The following DAB1 variants were observed in gnomAD, a reference collection of about 807,000 sequenced individuals.
DAB1 encodes the protein disabled homolog 1.
A neutral mutation model predicts 64.6 loss-of-function variants in DAB1; 15 were observed. That is an observed-to-expected ratio of 0.23 (90% confidence interval 0.16 to 0.36). The LOEUF (loss-of-function observed/expected upper bound fraction) is 0.36, where lower values mean the gene tolerates loss of function less well. Among genes scored for constraint, DAB1 ranks in the 10% least tolerant of loss-of-function variants. The pLI is 1.00. For synonymous variants in DAB1, 235 were observed against 251.9 expected (o/e 0.93, Z 0.64); for missense variants, 596 against 706.7 (o/e 0.84, Z 1.78).
intron 1 of DAB1, chr1:57,386,757 TG>T (rs1681902289): frequency 2.0e-5 from 3 of 152,086 alleles, no homozygotes; most frequent in Admixed American, 6.6e-5. Flanking sequence ...TGTGTGTGTG[TG>T]TGTGTGTAAT....
intron 4 of DAB1, among the ~76,000 whole-genome samples, chr1:58,339,802 A>G (rs1663208241): frequency 6.6e-6 from 1 of 152,188 alleles, no homozygotes; most frequent in African/African-American, 2.4e-5. Flanking sequence ...GTTGCTTCTC[A>G]CTGAAGATTT....
At chr1:57,462,699 C>A (rs1686825397) in intron 7 of DAB1, among the ~76,000 whole-genome samples, 1 of 152,164 alleles carries the variant, frequency 6.6e-6, no homozygotes, top group African/African-American at 2.4e-5. Flanking sequence ...CATGGACACA[C>A]AGCTCTCGGG....
chr1:57,422,842 A>T (rs1366888352), intron 1 of DAB1, among the ~76,000 whole-genome samples: 1 of 152,162 alleles, frequency 6.6e-6, no homozygotes, highest in East Asian at 1.9e-4. Context: ...CATCAGGCCC[A>T]CCAGCACCAC....
At chr1:57,627,307 C>T (rs534179151) in intron 7 of DAB1, among the ~76,000 whole-genome samples, 62 of 152,228 alleles carry the variant, frequency 4.1e-4, no homozygotes, top group African/African-American at 1.3e-3. Flanking sequence ...GGTGGCAGAT[C>T]GTGGGACTTC....
At chr1:57,351,324 G>A (rs915183173) in intron 1 of DAB1, among the ~76,000 whole-genome samples, 1 of 152,056 alleles carries the variant, frequency 6.6e-6, no homozygotes, top group South Asian at 2.1e-4. Context: ...AAGTCCAAGA[G>A]GAGACACCAA....
At chr1:57,610,254 C>T (rs1645709916) in intron 7 of DAB1, among the ~76,000 whole-genome samples, 1 of 152,132 alleles carries the variant, frequency 6.6e-6, no homozygotes, top group South Asian at 2.1e-4. Context: ...AAGTAGGTCC[C>T]AGTTATTGAG....
In DAB1 at chr1:58,080,743, C is replaced by T. The variant is rs138026401; in HGVS notation, n.387+69768G>A. Reference sequence around the variant, plus strand: ...GGCCTGTGTTGGGATCAACGCTCTGCCATTTATTGCATGAATACAGGTAAG... The same window carrying T: ...GGCCTGTGTTGGGATCAACGCTCTGTCATTTATTGCATGAATACAGGTAAG... On this transcript the variant is annotated intron_variant and non_coding_transcript_variant, in intron 5 of 20. Coordinates refer to the DAB1 transcript ENST00000485760. Among the ~76,000 whole-genome samples, 56 of 152,274 alleles carry T rather than the reference C, an allele frequency of 3.7e-4. No individual in the cohort carries two copies. In the East Asian group the frequency reaches 0.011, roughly 29 times the overall value.
chr1:57,074,499 T>C (rs1651804042), intron 4 of DAB1, among the ~76,000 whole-genome samples: 1 of 152,180 alleles, frequency 6.6e-6, no homozygotes, highest in Non-Finnish European at 1.5e-5. Flanking sequence ...GTCATCGCCG[T>C]AGTTCTAGAC....
intron 2 of DAB1, among the ~76,000 whole-genome samples, chr1:57,238,195 G>T (rs1286559016): frequency 6.6e-6 from 1 of 152,186 alleles, no homozygotes; most frequent in Non-Finnish European, 1.5e-5. Flanking sequence ...CCCCTGGAAG[G>T]TGTTAGGAAT....
intron 3 of DAB1, among the ~76,000 whole-genome samples, chr1:58,356,274 T>C (rs1434558642): frequency 6.6e-6 from 1 of 152,210 alleles, no homozygotes; most frequent in Non-Finnish European, 1.5e-5. Flanking sequence ...AGTATTGACC[T>C]GTATATTATC....
intron 5 of DAB1, among the ~76,000 whole-genome samples, chr1:57,953,768 C>T: frequency 6.6e-6 from 1 of 152,256 alleles, no homozygotes; most frequent in Non-Finnish European, 1.5e-5. Flanking sequence ...GAAAGGTTAG[C>T]CCCTCCCTAT....
intron 7 of DAB1, among the ~76,000 whole-genome samples, chr1:57,469,929 C>A (rs1253219205): frequency 6.6e-6 from 1 of 152,146 alleles, no homozygotes; most frequent in Admixed American, 6.5e-5. Flanking sequence ...TATTTAACAT[C>A]ATTTTCTATA....
intron 3 of DAB1, among the ~76,000 whole-genome samples, chr1:57,143,763 G>C (rs529764391): frequency 6.6e-6 from 1 of 151,380 alleles, no homozygotes; most frequent in African/African-American, 2.4e-5. Flanking sequence ...AGGTGATGCC[G>C]ATTTTATCAC....
intron 3 of DAB1, among the ~76,000 whole-genome samples, chr1:58,409,048 C>T (rs1644643097): frequency 6.6e-6 from 1 of 152,180 alleles, no homozygotes; most frequent in Non-Finnish European, 1.5e-5. Context: ...GGAGACAATG[C>T]CAAGAAAGAA....
At chr1:57,257,710 G>A (rs918800721) in intron 2 of DAB1, among the ~76,000 whole-genome samples, 2 of 152,302 alleles carry the variant, frequency 1.3e-5, no homozygotes, top group East Asian at 1.9e-4. Flanking sequence ...CTGGGCTGAC[G>A]TTAAGTTATC....
intron 3 of DAB1, among the ~76,000 whole-genome samples, chr1:58,403,868 T>A (rs1200582954): frequency 6.6e-6 from 1 of 152,122 alleles, no homozygotes; most frequent in Non-Finnish European, 1.5e-5. Flanking sequence ...AAACAGGATT[T>A]TGAACCTTGA....
intron 4 of DAB1, among the ~76,000 whole-genome samples, chr1:58,232,152 C>A (rs1414564313): frequency 6.6e-6 from 1 of 152,142 alleles, no homozygotes; most frequent in Non-Finnish European, 1.5e-5. Context: ...AACCAAAAGC[C>A]AAAATACCTG....
intron 3 of DAB1, among the ~76,000 whole-genome samples, chr1:58,380,902 C>T (rs1044317434): frequency 2.0e-4 from 31 of 152,096 alleles, no homozygotes; most frequent in African/African-American, 7.5e-4. Context: ...AAATGCCCAT[C>T]AATGATAGAT....
chr1:57,542,010 T>C (rs1453301081), intron 7 of DAB1, among the ~76,000 whole-genome samples: 2 of 152,090 alleles, frequency 1.3e-5, no homozygotes, highest in African/African-American at 4.8e-5. Context: ...AAGGCACAGA[T>C]GAATGGAAGT....
Sources: allele counts gnomAD v4.1 joint callset (sites outside exome capture counted in the v4.1 genomes callset), GRCh38; gene constraint gnomAD v4.1.1; transcripts MANE v1.5; gene names NCBI Gene and HGNC (gene_info 2026-07-23, HGNC 2026-07-21).